BZW2: variants seen among roughly 807,000 people sequenced by gnomAD.
BZW2 encodes the protein basic leucine zipper and W2 domains 2.
Under a neutral mutation model 53.2 loss-of-function variants are expected in BZW2, and 23 were observed. The observed-to-expected ratio is 0.43, with a 90% CI of 0.31 to 0.61. The LOEUF (loss-of-function observed/expected upper bound fraction) is 0.61, where lower values mean the gene tolerates loss of function less well. Among genes scored for constraint, BZW2 ranks in the 20% least tolerant of loss-of-function variants. The pLI is 0.09. For missense variants in BZW2, 409 were observed against 503.1 expected (o/e 0.81, Z 1.79); for synonymous variants, 227 against 186.4 (o/e 1.22, Z -1.77).
chr7:16,666,437 T>C (rs1001275138), intron 2 of BZW2, among the ~76,000 whole-genome samples: 4 of 121,300 alleles, frequency 3.3e-5, no homozygotes, highest in African/African-American at 1.2e-4. Flanking sequence ...GGAGTCTTGC[T>C]CCGTCGTCAG....
intron 2 of BZW2, among the ~76,000 whole-genome samples, chr7:16,668,774 T>TA (rs1782510692): frequency 6.6e-6 from 1 of 152,244 alleles, no homozygotes; most frequent in African/African-American, 2.4e-5. Flanking sequence ...TTGTCGTTAC[T>TA]GCTTAGCATT....
rs561311994 is a variant in BZW2, at chr7:16,685,842, T to C, written c.406-63T>C. The C allele has an allele frequency of 1.7e-4, 247 of 1,472,292 alleles. No homozygotes were observed. The East Asian group carries it at 6.1e-3, about 36-fold the overall frequency. The allele number at this position is 1,472,292 out of a possible 1,614,324, so 91.2% of individuals were successfully genotyped here. A position where few individuals can be genotyped will look rare whatever the true frequency, so the allele number is the denominator to read the frequency against. ...CTTCCCACTTCAGTCCTTTGCTTCA[T>C]AGACATGGTTCCTTTTTTTTTCTTT... On this transcript the variant is annotated intron_variant, in intron 5 of 11. Transcript: ENST00000258761.
At chr7:16,646,536 CGCGG>C (rs954908667) in intron 1 of BZW2, among the ~76,000 whole-genome samples, 12 of 148,306 alleles carry the variant, frequency 8.1e-5, no homozygotes, top group Non-Finnish European at 1.8e-4. Flanking sequence ...ACCCTGGGAC[CGCGG>C]GCGGGCGGGC....
intron 3 of BZW2, among the ~76,000 whole-genome samples, chr7:16,678,173 A>G (rs1782825591): frequency 1.4e-5 from 2 of 145,322 alleles, no homozygotes; most frequent in Non-Finnish European, 3.0e-5. Context: ...GGAATCAGGC[A>G]ATTATCTCGA....
intron 5 of BZW2, among the ~76,000 whole-genome samples, chr7:16,684,752 G>A (rs1783061019): frequency 6.6e-6 from 1 of 152,132 alleles, no homozygotes; most frequent in African/African-American, 2.4e-5. Flanking sequence ...CACTTACTTA[G>A]ATGTTAACTT....
At chr7:16,672,866 A>T (rs1782647785) in intron 2 of BZW2, among the ~76,000 whole-genome samples, 1 of 150,854 alleles carries the variant, frequency 6.6e-6, no homozygotes, top group South Asian at 2.1e-4. Flanking sequence ...ACTTCTGCAG[A>T]CTCATGTGTC....
chr7:16,697,107 A>C (rs1272606190), intron 9 of BZW2, 46 bp downstream of exon 9: 1 of 1,585,934 alleles, frequency 6.3e-7, no homozygotes, highest in Admixed American at 1.8e-5. Flanking sequence ...GGCAAACTGC[A>C]GCTTTTTTTG....
At chr7:16,693,182 A>G (rs1471633715) in intron 7 of BZW2, among the ~76,000 whole-genome samples, 2 of 152,196 alleles carry the variant, frequency 1.3e-5, no homozygotes, top group Non-Finnish European at 2.9e-5. Flanking sequence ...AGCAAGAGCA[A>G]AAGCAGAGAG....
intron 5 of BZW2, 106 bp downstream of exon 5, chr7:16,682,951 A>G (rs1159615928): frequency 1.6e-6 from 1 of 608,070 alleles, no homozygotes; most frequent in Non-Finnish European, 2.5e-6. Context: ...TAATCCCAGC[A>G]CTTTGGGAGG....
At chr7:16,691,954 C>T (rs796209848) in intron 7 of BZW2, among the ~76,000 whole-genome samples, 43 of 151,834 alleles carry the variant, frequency 2.8e-4, no homozygotes, top group African/African-American at 9.2e-4. Flanking sequence ...GTGGTTTCTG[C>T]GAGAAACATA....
chr7:16,681,633 C>G (rs543142268), intron 4 of BZW2, among the ~76,000 whole-genome samples: 4 of 152,234 alleles, frequency 2.6e-5, no homozygotes, highest in African/African-American at 9.6e-5. Context: ...GAGTTTGTGA[C>G]CAGCCTGGCC....
At chr7:16,670,133 T>G (rs1054636229) in intron 2 of BZW2, among the ~76,000 whole-genome samples, 1 of 152,240 alleles carries the variant, frequency 6.6e-6, no homozygotes, top group African/African-American at 2.4e-5. Context: ...AAACAATTAT[T>G]AGTCCTTTCG....
rs71848458 is a variant in BZW2, at chr7:16,665,507, T to TTGTGTG, written c.58+24_58+29dup. The TTGTGTG allele has an allele frequency of 7.4e-5, 114 of 1,548,368 alleles. No individual in the cohort carries two copies. The African/African-American group carries it at 1.1e-3, about 16-fold the overall frequency. ...GTTCAAAACTCGGAAAAGGGGTAGG[T>TTGTGTG]TGTGTGTGTGTGTGTGTGTGTGTTT... On this transcript the variant is annotated splice_region_variant and intron_variant, in intron 2 of 11. Coordinates refer to ENST00000258761, the MANE Select transcript of BZW2 (RefSeq NM_014038.3).
At chr7:16,705,749 G>T (rs1783833492) in intron 11 of BZW2, among the ~76,000 whole-genome samples, 1 of 147,768 alleles carries the variant, frequency 6.8e-6, no homozygotes, top group Non-Finnish European at 1.5e-5. Context: ...AAGTTATATT[G>T]TTTAATTTTA....
intron 1 of BZW2, 144 bp from the exon 2 acceptor site, chr7:16,665,293 G>A (rs1782389010): frequency 3.1e-6 from 3 of 978,804 alleles, no homozygotes; most frequent in African/African-American, 3.3e-5. Flanking sequence ...GCGACAGCGA[G>A]ACTCTGTCTC....
At chr7:16,695,532 CT>C (rs1783452615) in intron 8 of BZW2, among the ~76,000 whole-genome samples, 1 of 152,172 alleles carries the variant, frequency 6.6e-6, no homozygotes, top group Non-Finnish European at 1.5e-5. Context: ...CTGTGTTTCC[CT>C]ATAATGTAAA....
intron 1 of BZW2, among the ~76,000 whole-genome samples, chr7:16,646,725 C>A (rs1160681391): frequency 6.6e-6 from 1 of 152,226 alleles, no homozygotes; most frequent in Non-Finnish European, 1.5e-5. Context: ...GTAGTTTTTA[C>A]GCTGGTGATC....
At chr7:16,671,291 TATTCACAGCTGAACTATG>T (rs1452191386) in intron 2 of BZW2, among the ~76,000 whole-genome samples, 2 of 152,224 alleles carry the variant, frequency 1.3e-5, no homozygotes, top group Non-Finnish European at 2.9e-5. Context: ...TTGTACATGC[TATTCACAGCTGAACTATG>T]ATATGACTGC....
chr7:16,678,060 A>T (rs1296186933), intron 3 of BZW2, among the ~76,000 whole-genome samples: 2 of 133,364 alleles, frequency 1.5e-5, no homozygotes, highest in Middle Eastern at 3.8e-3. Flanking sequence ...TTTTCCTGAC[A>T]CTCACAATTT....
Sources: gnomAD v4.1 joint callset for allele counts (sites outside exome capture counted in the v4.1 genomes callset) on GRCh38, gnomAD v4.1.1 for gene constraint, MANE v1.5 for transcripts, NCBI Gene and HGNC (gene_info 2026-07-23, HGNC 2026-07-21) for gene names.